Variants in GRM4 observed in about 807,000 individuals in gnomAD.
GRM4 encodes the protein glutamate metabotropic receptor 4.
In GRM4, 28 loss-of-function variants were observed where a neutral mutation model predicts 81.7. That is an observed-to-expected ratio of 0.34 (90% CI 0.25 to 0.47). The LOEUF is 0.47. Ranked by LOEUF, GRM4 falls within the 20% of genes least tolerant of loss-of-function variation. The pLI, the probability that GRM4 is intolerant of heterozygous loss-of-function variation, is 1.00. For missense variants in GRM4, 948 were observed against 1,290.0 expected (o/e 0.73, Z 4.06); for synonymous variants, 488 against 528.8 (o/e 0.92, Z 1.06).
At chr6:34,117,907 A>G (rs538126769) in intron 2 of GRM4, among the ~76,000 whole-genome samples, 22 of 152,350 alleles carry the variant, frequency 1.4e-4, no homozygotes, top group African/African-American at 4.1e-4. Context: ...ACCAGCCACC[A>G]GCGAGACATA....
intron 8 of GRM4, among the ~76,000 whole-genome samples, chr6:34,039,048 G>A (rs926653088): frequency 1.3e-5 from 2 of 152,108 alleles, no homozygotes; most frequent in African/African-American, 2.4e-5. Flanking sequence ...AAAACAAAAC[G>A]GGCACATCGA....
chr6:34,091,828 T>C, intron 3 of GRM4, 55 bp downstream of exon 3: 2 of 1,328,140 alleles, frequency 1.5e-6, no homozygotes, highest in Non-Finnish European at 1.1e-6. Context: ...GGTCAGTCAC[T>C]GTGCCGGGAC....
At chr6:34,086,194 C>T (rs1031174748) in intron 3 of GRM4, among the ~76,000 whole-genome samples, 1 of 152,212 alleles carries the variant, frequency 6.6e-6, no homozygotes, top group Non-Finnish European at 1.5e-5. Flanking sequence ...CAGCCAGGGA[C>T]GCCACATGCC....
rs1767409266 is a variant in GRM4 at position 34,078,130 on chromosome 6, G to T, written c.736+13753C>A. Among the ~76,000 whole-genome samples, 1 of 152,180 alleles carries T rather than the reference G, an allele frequency of 6.6e-6. No homozygotes were observed. Among genetic ancestry groups the T allele is most frequent in the Non-Finnish European group, 1.5e-5 (1 of 68,016 alleles). Reference sequence around the variant, plus strand: ...TATGAAGCCAACAATAGGGATGAAAGAATGAACAAATGAATGAACATGCTA... The same window carrying T: ...TATGAAGCCAACAATAGGGATGAAATAATGAACAAATGAATGAACATGCTA... On this transcript the variant is annotated intron_variant, in intron 3 of 10. Coordinates refer to ENST00000538487, the MANE Select transcript of GRM4 (RefSeq NM_000841.4). The surrounding 1 kb of genome is among the most constrained non-coding windows in gnomAD (Gnocchi z 4.8).
chr6:34,150,426 T>C (rs571644311), upstream of GRM4, among the ~76,000 whole-genome samples: 54 of 152,182 alleles, frequency 3.5e-4, no homozygotes, highest in Middle Eastern at 6.8e-3. Flanking sequence ...CTGGGGTCTC[T>C]GTCTCTTCCC....
intron 1 of GRM4, among the ~76,000 whole-genome samples, chr6:34,145,103 T>TTTAA (rs1770870856): frequency 6.6e-6 from 1 of 151,746 alleles, no homozygotes; most frequent in African/African-American, 2.4e-5. Flanking sequence ...GCCAGCAAGG[T>TTTAA]TTAAGCCGCG....
intron 10 of GRM4, among the ~76,000 whole-genome samples, chr6:34,026,537 C>A (rs1381032130): frequency 6.6e-6 from 1 of 152,062 alleles, no homozygotes; most frequent in African/African-American, 2.4e-5. Context: ...GGGGGCTGCC[C>A]CACAGCCTGG....
At chr6:34,101,220 T>C (rs966713669) in intron 2 of GRM4, among the ~76,000 whole-genome samples, 1 of 152,182 alleles carries the variant, frequency 6.6e-6, no homozygotes, top group African/African-American at 2.4e-5. Context: ...TACTGGGTGC[T>C]TACTATGTGC....
chr6:34,095,115 C>T (rs1038979450), intron 2 of GRM4, among the ~76,000 whole-genome samples: 2 of 152,178 alleles, frequency 1.3e-5, no homozygotes, highest in African/African-American at 2.4e-5. Flanking sequence ...GCAGGATATG[C>T]GCGTCAGCCT....
chr6:34,101,868 A>C (rs1162656541), intron 2 of GRM4, among the ~76,000 whole-genome samples: 3 of 152,204 alleles, frequency 2.0e-5, no homozygotes, highest in Non-Finnish European at 2.9e-5. Context: ...TGAACTTTTA[A>C]TTAGGATCAC....
chr6:34,102,086 T>C, intron 2 of GRM4: 1 of 1,535,546 alleles, frequency 6.5e-7, no homozygotes, highest in South Asian at 1.2e-5. Flanking sequence ...CTTGGCGCCA[T>C]CATGGGGAAA....
At position 34,125,881 on chromosome 6, in the gene GRM4, C is replaced by T. The variant is rs1770003010; in HGVS notation, c.519+7097G>A. ...CAGGAGAACTGCCCCTGACAGTCAC[C>T]CTCAGCAAGACCTACTTCGGACAAC... On this transcript the variant is annotated intron_variant, in intron 2 of 10. Coordinates refer to ENST00000538487, the MANE Select transcript of GRM4 (RefSeq NM_000841.4). Among the ~76,000 whole-genome samples, 3 of 152,342 alleles carry T rather than the reference C, an allele frequency of 2.0e-5. No individual in the cohort carries two copies. The South Asian group carries it at 6.2e-4, about 32-fold the overall frequency.
At position 34,133,386 on chromosome 6, in the gene GRM4, G is replaced by T; in HGVS notation, c.111C>A (p.His37Gln). The change falls in exon 2 of 11, where the codon CAC becomes CAA. Residue 37 changes from histidine (H) to glutamine (Q), a missense_variant. By Grantham distance (24) the His-to-Gln change is conservative (BLOSUM62 0). Coordinates refer to ENST00000538487, the MANE Select transcript of GRM4 (RefSeq NM_000841.4). The surrounding 1 kb of genome is among the most constrained non-coding windows in gnomAD (Gnocchi z 6.5). Reference sequence around the variant, plus strand: ...CTATGCGGATGGAATTCATGTGAGGGTGGCCTTTGGGCTTTCCCAGGGAGG... The same window carrying T: ...CTATGCGGATGGAATTCATGTGAGGTTGGCCTTTGGGCTTTCCCAGGGAGG... ...MPSSLGKPKG[H>Q]PHMNSIRIDG... 8 of 1,613,864 alleles carry T rather than the reference G, an allele frequency of 5.0e-6. No individual in the cohort carries two copies. The highest frequency in any genetic ancestry group is 6.8e-6 in the Non-Finnish European group (8 of 1,179,966).
chr6:34,150,234 G>A (rs1030339407), upstream of GRM4, among the ~76,000 whole-genome samples: 12 of 152,210 alleles, frequency 7.9e-5, no homozygotes, highest in Admixed American at 4.6e-4. Context: ...CAGGCTAAGA[G>A]CAGAGAGAGC....
At chr6:34,057,291 T>A (rs1354276992) in intron 5 of GRM4, among the ~76,000 whole-genome samples, 1 of 150,604 alleles carries the variant, frequency 6.6e-6, no homozygotes, top group Non-Finnish European at 1.5e-5. Context: ...GACGCCCCCC[T>A]GCCATACTGA....
At chr6:34,123,108 G>T (rs1200699538) in intron 2 of GRM4, among the ~76,000 whole-genome samples, 1 of 152,192 alleles carries the variant, frequency 6.6e-6, no homozygotes, top group Admixed American at 6.5e-5. Flanking sequence ...AGGTCACACA[G>T]CGAGTTGGCA....
chr6:34,055,721 G>C lies in GRM4; in HGVS notation c.1168+823C>G, dbSNP rs1346064514. ...GTGGACACGCCATGATGGCTACCTA[G>C]GGGGCGGGGGCCCTAGGGCTCAGAC... On this transcript the variant is annotated intron_variant, in intron 6 of 10. Coordinates refer to ENST00000538487, the MANE Select transcript of GRM4 (RefSeq NM_000841.4). 2.6e-5 allele frequency: 4 copies of C among 152,372 alleles called. No homozygotes were observed. The East Asian group carries it at 7.7e-4, about 29-fold the overall frequency. 9.4% of individuals were successfully genotyped at this position (152,372 alleles called of 1,614,324 possible). A position where few individuals can be genotyped will look rare whatever the true frequency, so the allele number is the denominator to read the frequency against.
chr6:34,152,260 G>T lies in GRM4; in HGVS notation c.312+2819C>A, dbSNP rs116689293. The stretch of plus-strand genomic sequence containing the variant: ...GGCCCCGGGACCTCCCACCGGCAGA[G>T]CCTGGAGGAGCCCGCATCCCACTCA... On this transcript the variant is annotated intron_variant, in intron 1 of 8. Transcript: ENST00000374177. The surrounding 1 kb of genome is among the most constrained non-coding windows in gnomAD (Gnocchi z 4.1). Among the ~76,000 whole-genome samples, 3,543 of 152,276 alleles carry T rather than the reference G, an allele frequency of 0.023. 67 individuals are homozygous for T. The highest frequency in any genetic ancestry group is 0.054 in the Middle Eastern group (16 of 294).
In GRM4 at chr6:34,080,663, A is replaced by C. The variant is rs965676561; in HGVS notation, c.736+11220T>G. ...CGGGTCCCACCTTCTGAGTCCCTGA[A>C]AGTCCCAGAAGCATGAGGGGAGCCA... On this transcript the variant is annotated intron_variant, in intron 3 of 10. Transcript: ENST00000538487. This position sits in a 1 kb window ranked among gnomAD's most constrained non-coding sequence, Gnocchi z 5.4. 1.3e-5 allele frequency among the ~76,000 whole-genome samples: 2 copies of C among 152,076 alleles called. No homozygotes were observed. Among genetic ancestry groups the C allele is most frequent in the Admixed American group, 1.3e-4 (2 of 15,272 alleles).
Sources: gnomAD v4.1 joint callset for allele counts (sites outside exome capture counted in the v4.1 genomes callset) on GRCh38, gnomAD v4.1.1 for gene constraint, Gnocchi (gnomAD v3.1) non-coding constraint, MANE v1.5 for transcripts, NCBI Gene and HGNC (gene_info 2026-07-23, HGNC 2026-07-21) for gene names.